The following PGK1 variants were observed in gnomAD, a reference collection of about 807,000 sequenced individuals.
The protein encoded by PGK1 is PRP 2.
PGK1 carries 3 observed loss-of-function variants against 26.9 expected under a neutral mutation model. That is an observed-to-expected ratio of 0.11 (90% CI 0.05 to 0.29). PGK1 has a LOEUF of 0.29. Ranked by LOEUF, PGK1 falls within the 10% of genes least tolerant of loss-of-function variation. PGK1 has a pLI of 1.00. For synonymous variants in PGK1, 125 were observed against 115.3 expected, an observed-to-expected ratio of 1.08 and a Z score of -0.54; for missense variants, 270 against 314.7, an observed-to-expected ratio of 0.86 and a Z score of 1.07.
intron 4 of PGK1, 135 bp from the exon 5 acceptor site, chrX:78,117,177 A>G: frequency 1.9e-6 from 1 of 515,277 alleles, no homozygotes; most frequent in Non-Finnish European, 3.5e-6. Flanking sequence ...AACACATCCT[A>G]CTGCTGGTTG....
rs781799318 is a variant in PGK1 at position 78,127,466 on chromosome X, C to G, written c.*1636C>G. The G allele has an allele frequency of 1.8e-5, 2 of 111,957 alleles. No homozygotes were observed. Among genetic ancestry groups the G allele is most frequent in the South Asian group, 3.7e-4 (1 of 2,703 alleles). 9.2% of individuals were successfully genotyped at this position (111,957 alleles called of 1,213,427 possible). A position where few individuals can be genotyped will look rare whatever the true frequency, so the allele number is the denominator to read the frequency against. ...AAAAAGCCATGTCTGACCAGAAATT[C>G]TGTGCTGGAAAGATATGTATTTCAC... On this transcript the variant is annotated 3_prime_UTR_variant, in exon 11 of 11. Transcript: ENST00000373316.
In PGK1 at chrX:78,117,321, G is replaced by C. The variant is rs782040677; in HGVS notation, c.427G>C (p.Glu143Gln). ...TTGTTTTTCTCTATAGGTTAAAGCC[G>C]AGCCAGCCAAAATAGAAGCTTTCCG... ...KDASGNKVKA[E>Q]PAKIEAFRAS... is the part of the protein sequence containing the mutation. Residue 143 changes from glutamate (E) to glutamine (Q), a missense_variant, in exon 5 of 11, where the codon GAG becomes CAG. Glu to Gln is a conservative substitution (Grantham distance 29). Coordinates refer to ENST00000373316, the MANE Select transcript of PGK1 (RefSeq NM_000291.4). 1.3e-5 allele frequency: 16 copies of C among 1,200,103 alleles called. 1 individual carries two copies. The South Asian group carries it at 2.8e-4, about 21-fold the overall frequency.
chrX:78,115,385 C>T (rs1445055747), intron 4 of PGK1, among the ~76,000 whole-genome samples: 5 of 111,224 alleles, frequency 4.5e-5, no homozygotes, highest in African/African-American at 6.6e-5. Context: ...AGGCTGGGTG[C>T]GGTGCCTCAT....
At position 78,125,016 on chromosome X, in the gene PGK1, T is replaced by A; in HGVS notation, c.1079T>A (p.Val360Glu). 2 of 1,210,554 alleles carry A rather than the reference T, an allele frequency of 1.7e-6. No homozygotes were observed. The highest frequency in any genetic ancestry group is 2.2e-6 in the Non-Finnish European group (2 of 894,545). Residue 360 changes from valine to glutamate, a missense_variant, in exon 9 of 11, where the codon GTG (valine) becomes GAG (glutamate). This residue lies in a region of PGK1 where 103 missense variants were observed against 114.6 expected (regional missense o/e 0.90). Coordinates refer to ENST00000373316, the MANE Select transcript of PGK1 (RefSeq NM_000291.4). ...ACCAAAGCTCTCATGGATGAGGTGG[T>A]GAAAGCCACTTCTAGGGGCTGCATC... is the stretch of plus-strand genomic sequence containing the variant. The part of the protein sequence containing the change: ...RGTKALMDEV[V>E]KATSRGCITI...
chrX:78,107,520 C>T (rs1262585451), intron 1 of PGK1, among the ~76,000 whole-genome samples: 1 of 112,269 alleles, frequency 8.9e-6, no homozygotes, highest in Non-Finnish European at 1.9e-5. Flanking sequence ...ACTTTTTTCA[C>T]TTAGCATAAT....
rs112702955 is a variant in PGK1 at position 78,104,271 on chromosome X, G to C, written c.-70G>C. On this transcript the variant is annotated 5_prime_UTR_variant, in exon 1 of 11. Transcript: ENST00000373316. Reference sequence around the variant, plus strand: ...GTGTTCCGCATTCTGCAAGCCTCCGGAGCGCACGTCGGCAGTCGGCTCCCT... The same window carrying C: ...GTGTTCCGCATTCTGCAAGCCTCCGCAGCGCACGTCGGCAGTCGGCTCCCT... 2.0e-5 allele frequency: 16 copies of C among 808,722 alleles called. No individual in the cohort carries two copies. The highest frequency in any genetic ancestry group is 4.2e-5 in the South Asian group (2 of 47,881). The allele number at this position is 808,722 out of a possible 1,213,427, so 66.6% of individuals were successfully genotyped here.
rs782765869 is a variant in PGK1 at position 78,114,179 on chromosome X, A to C, written c.417+19A>C. 2.5e-6 allele frequency: 3 copies of C among 1,198,562 alleles called. No homozygotes were observed. The highest frequency in any genetic ancestry group is 3.4e-6 in the Non-Finnish European group (3 of 883,519). The stretch of plus-strand genomic sequence containing the variant: ...GAACAAGGTAGGACCTGTGATTTTG[A>C]CATTATTGGGGGTGAGGGCCTGAGT... On this transcript the variant is annotated intron_variant, in intron 4 of 10. Transcript: ENST00000373316.
Position 78,114,019 on chromosome X carries a change from T to G in PGK1, c.276T>G (p.Asp92Glu). ...CTTCATCTCTTCCTCTTCTCAGGGA[T>G]GTTCTGTTCTTGAAGGACTGTGTAG... ...AVELKSLLGKDVLFLKDCVGP... is the reference protein window; with the variant it reads ...AVELKSLLGKEVLFLKDCVGP... The change falls in exon 4 of 11, where the codon GAT (aspartate) becomes GAG (glutamate). Residue 92 changes from aspartate to glutamate, a missense_variant. Transcript: ENST00000373316. 1.7e-6 allele frequency: 2 copies of G among 1,211,263 alleles called. No homozygotes were observed. The highest frequency in any genetic ancestry group is 2.2e-6 in the Non-Finnish European group (2 of 895,131).
At position 78,109,120 on chromosome X, in the gene PGK1, A is replaced by G. The variant is rs781919229; in HGVS notation, c.66-747A>G. On this transcript the variant is annotated intron_variant, in intron 1 of 10. Transcript: ENST00000373316. ...TGTTGGGTAAGAGATACTGCAGTAC[A>G]TTATTTTCTTGTGTCGTCTTGATTA... Among the ~76,000 whole-genome samples, 94 of 111,300 alleles carry G rather than the reference A, an allele frequency of 8.4e-4. 1 individual carries two copies. The highest frequency in any genetic ancestry group is 3.1e-3 in the African/African-American group (94 of 30,582).
At chrX:78,121,729 G>A (rs1355492619) in intron 6 of PGK1, among the ~76,000 whole-genome samples, 1 of 112,427 alleles carries the variant, frequency 8.9e-6, no homozygotes, top group African/African-American at 3.2e-5. Context: ...GGAGATGCAA[G>A]ATACATGTGT....
At chrX:78,118,812 A>C (rs1292284813) in intron 6 of PGK1, among the ~76,000 whole-genome samples, 1 of 110,947 alleles carries the variant, frequency 9.0e-6, no homozygotes, top group African/African-American at 3.3e-5. Context: ...GTCAAAGGAC[A>C]CAAGATCTGG....
At chrX:78,117,975 G>C in intron 5 of PGK1, 76 bp from the exon 6 acceptor site, 1 of 976,256 alleles carries the variant, frequency 1.0e-6, no homozygotes, top group Admixed American at 2.2e-5. Context: ...ATATTTTAGT[G>C]ATAAGGAGCT....
chrX:78,108,184 G>A lies in PGK1; in HGVS notation c.66-1683G>A, dbSNP rs187756424. Among the ~76,000 whole-genome samples, 172 of 111,715 alleles carry A rather than the reference G, an allele frequency of 1.5e-3. 1 individual carries two copies. The highest frequency in any genetic ancestry group is 9.3e-3 in the Middle Eastern group (2 of 216). ...TGACACCATGGCAGCTTGGATAGAT[G>A]AGACAGTTTCTTAGGTGTCTCTGTC... On this transcript the variant is annotated intron_variant, in intron 1 of 10. Transcript: ENST00000373316.
intron 6 of PGK1, 37 bp downstream of exon 6, chrX:78,118,207 G>C (rs1557247658): frequency 8.4e-7 from 1 of 1,195,149 alleles, no homozygotes; most frequent in Admixed American, 2.2e-5. Flanking sequence ...TTTAAGTATT[G>C]TTTGCCTGGT....
chrX:78,122,787 T>A, intron 6 of PGK1, 48 bp from the exon 7 acceptor site: 1 of 728,972 alleles, frequency 1.4e-6, no homozygotes. Context: ...TAATACCACT[T>A]CTCTAGTCCA....
chrX:78,124,976 G>A lies in PGK1; in HGVS notation c.1039G>A (p.Ala347Thr). ...TCCTGTGGGGGTATTTGAATGGGAAGCTTTTGCCCGGGGAACCAAAGCTCT... is the reference window on the plus strand; with the variant it reads ...TCCTGTGGGGGTATTTGAATGGGAAACTTTTGCCCGGGGAACCAAAGCTCT... Reference protein sequence around the residue: ...NGPVGVFEWEAFARGTKALMD... With the variant: ...NGPVGVFEWETFARGTKALMD... Residue 347 changes from alanine to threonine, a missense_variant, in exon 9 of 11, where the codon GCT becomes ACT. Ala to Thr is a moderately conservative substitution (Grantham distance 58). Coordinates refer to ENST00000373316, the MANE Select transcript of PGK1 (RefSeq NM_000291.4). The A allele has an allele frequency of 8.3e-7, 1 of 1,210,329 alleles. No individual in the cohort carries two copies. The highest frequency in any genetic ancestry group is 1.1e-6 in the Non-Finnish European group (1 of 894,443).
In PGK1 at chrX:78,127,043, C is replaced by G. The variant is rs966069231; in HGVS notation, c.*1213C>G. 4 of 112,638 alleles carry G rather than the reference C, an allele frequency of 3.6e-5. No homozygotes were observed. The highest frequency in any genetic ancestry group is 1.3e-4 in the African/African-American group (4 of 31,019). 9.3% of individuals were successfully genotyped at this position (112,638 alleles called of 1,213,427 possible). A position where few individuals can be genotyped will look rare whatever the true frequency, so the allele number is the denominator to read the frequency against. On this transcript the variant is annotated 3_prime_UTR_variant, in exon 11 of 11. Coordinates refer to ENST00000373316, the MANE Select transcript of PGK1 (RefSeq NM_000291.4). ...GCAGGGTGTACAGCTAGCTGTTGCT[C>G]TGGTATTTCCTATAACCTTCTTGGG...
At chrX:78,120,022 T>C (rs1453146074) in intron 6 of PGK1, among the ~76,000 whole-genome samples, 2 of 111,319 alleles carry the variant, frequency 1.8e-5, no homozygotes, top group East Asian at 5.6e-4. Flanking sequence ...AATATGGGAG[T>C]GAGTGCCACC....
rs1276293551 is a variant in PGK1 at position 78,104,285 on chromosome X, A to G, written c.-56A>G. Reference sequence around the variant, plus strand: ...GCAAGCCTCCGGAGCGCACGTCGGCAGTCGGCTCCCTCGTTGACCGAATCA... The same window carrying G: ...GCAAGCCTCCGGAGCGCACGTCGGCGGTCGGCTCCCTCGTTGACCGAATCA... On this transcript the variant is annotated 5_prime_UTR_variant, in exon 1 of 11. Coordinates refer to ENST00000373316, the MANE Select transcript of PGK1 (RefSeq NM_000291.4). 8.7e-6 allele frequency: 8 copies of G among 915,784 alleles called. No homozygotes were observed. Among genetic ancestry groups the G allele is most frequent in the African/African-American group, 1.9e-5 (1 of 51,890 alleles). The allele number at this position is 915,784 out of a possible 1,213,427, so 75.5% of individuals were successfully genotyped here.
Sources: gnomAD v4.1 joint callset for allele counts (sites outside exome capture counted in the v4.1 genomes callset) on GRCh38, gnomAD v4.1.1 for gene constraint, gnomAD v4.1.1 regional missense constraint, MANE v1.5 for transcripts, NCBI Gene and HGNC (gene_info 2026-07-23, HGNC 2026-07-21) for gene names.